The following UTRN variants were observed in gnomAD, a reference collection of about 807,000 sequenced individuals.
UTRN encodes the protein utrophin, also known as dystrophin-related protein 1.
A neutral mutation model predicts 463.9 loss-of-function variants in UTRN; 283 were observed. That is an observed-to-expected ratio of 0.61 (90% CI 0.55 to 0.67). The LOEUF (loss-of-function observed/expected upper bound fraction) is 0.67, where lower values mean the gene tolerates loss of function less well. UTRN is among the 30% of genes least tolerant of loss of function. The pLI, the probability that UTRN is intolerant of heterozygous loss-of-function variation, is 0.00. For synonymous variants in UTRN, 1,442 were observed against 1,431.5 expected (o/e 1.01, Z -0.17); for missense variants, 3,922 against 4,084.3 (o/e 0.96, Z 1.08).
intron 51 of UTRN, among the ~76,000 whole-genome samples, chr6:144,577,696 A>G (rs1483591285): frequency 2.0e-5 from 3 of 152,220 alleles, no homozygotes; most frequent in Non-Finnish European, 4.4e-5. Context: ...GTTTATAACT[A>G]AGAATATTAG....
At chr6:144,777,027 A>G (rs1775383439) in intron 60 of UTRN, among the ~76,000 whole-genome samples, 1 of 152,054 alleles carries the variant, frequency 6.6e-6, no homozygotes, top group Non-Finnish European at 1.5e-5. Flanking sequence ...GTCAATGGTA[A>G]TTTTTAATAT....
At chr6:144,802,842 C>G (rs577922506) in intron 64 of UTRN, among the ~76,000 whole-genome samples, 194 bp from the exon 65 acceptor site, 1 of 152,184 alleles carries the variant, frequency 6.6e-6, no homozygotes, top group African/African-American at 2.4e-5. Flanking sequence ...CGTATTCAAA[C>G]ATTAAAAGAA....
At chr6:144,693,249 A>G (rs535757801) in intron 52 of UTRN, among the ~76,000 whole-genome samples, 3 of 152,230 alleles carry the variant, frequency 2.0e-5, no homozygotes, top group East Asian at 3.9e-4. Flanking sequence ...CCATTGGTCT[A>G]TGTGTCTATT....
chr6:144,301,983 C>T (rs922195168), intron 2 of UTRN, among the ~76,000 whole-genome samples: 2 of 152,088 alleles, frequency 1.3e-5, no homozygotes, highest in Non-Finnish European at 2.9e-5. Context: ...CTTGATTGTT[C>T]TCCTTCTCCC....
intron 2 of UTRN, among the ~76,000 whole-genome samples, chr6:144,302,284 G>A (rs1474194778): frequency 6.6e-6 from 1 of 152,164 alleles, no homozygotes; most frequent in African/African-American, 2.4e-5. Context: ...GCTAAGGTGG[G>A]TGGATCATCT....
chr6:144,633,270 C>G (rs1053453836), intron 51 of UTRN, among the ~76,000 whole-genome samples: 2 of 146,116 alleles, frequency 1.4e-5, no homozygotes, highest in African/African-American at 5.1e-5. Flanking sequence ...TGCTCTGTCA[C>G]CCAGGCTGAA....
chr6:144,386,005 G>A (rs578060446), intron 2 of UTRN, among the ~76,000 whole-genome samples: 1 of 152,180 alleles, frequency 6.6e-6, no homozygotes. Flanking sequence ...CACTGTCCCC[G>A]GCCCAGAACC....
chr6:144,742,767 G>A (rs1056662938), intron 54 of UTRN, among the ~76,000 whole-genome samples: 2 of 152,148 alleles, frequency 1.3e-5, no homozygotes, highest in Non-Finnish European at 2.9e-5. Context: ...GTTAGTATTG[G>A]AACTGGCATG....
chr6:144,719,412 C>G (rs1786854700), intron 53 of UTRN, among the ~76,000 whole-genome samples: 2 of 152,056 alleles, frequency 1.3e-5, no homozygotes, highest in African/African-American at 4.8e-5. Context: ...CCCATCTCTA[C>G]TAAAAATATA....
Position 144,445,351 on chromosome 6 carries a change from C to CAAAA in UTRN, c.1614+984_1614+987dup, listed in dbSNP as rs11419379. Among the ~76,000 whole-genome samples the CAAAA allele has an allele frequency of 1.1e-3, 122 of 106,466 alleles. 1 individual carries two copies. Among genetic ancestry groups the CAAAA allele is most frequent in the African/African-American group, 2.8e-3 (76 of 26,780 alleles). 69.8% of individuals were successfully genotyped at this position (106,466 alleles called of 152,430 possible). A position where few individuals can be genotyped will look rare whatever the true frequency, so the allele number is the denominator to read the frequency against. On this transcript the variant is annotated intron_variant, in intron 14 of 74. Coordinates refer to ENST00000367545, the MANE Select transcript of UTRN (RefSeq NM_007124.3). ...GGGAGACAAGAGCGAGACTCCCTCT[C>CAAAA]AAAAAAAAAAAAAAAAAAGCAAATA...
At chr6:144,324,596 C>T (rs1002971034) in intron 2 of UTRN, among the ~76,000 whole-genome samples, 5 of 152,188 alleles carry the variant, frequency 3.3e-5, no homozygotes, top group Non-Finnish European at 7.3e-5. Flanking sequence ...TTGCACACTG[C>T]TCCATGTGAA....
At chr6:144,694,988 G>A (rs1188079740) in intron 52 of UTRN, among the ~76,000 whole-genome samples, 1 of 121,288 alleles carries the variant, frequency 8.2e-6, no homozygotes, top group Admixed American at 8.6e-5. Flanking sequence ...TTTTTTTTTT[G>A]AGAGTGAGGC....
intron 54 of UTRN, among the ~76,000 whole-genome samples, chr6:144,746,103 C>T (rs901619538): frequency 6.6e-6 from 1 of 151,764 alleles, no homozygotes; most frequent in Admixed American, 6.6e-5. Context: ...CGGGGTCAAG[C>T]GATTCTTCTG....
chr6:144,671,353 C>CAAA (rs1781005506), intron 51 of UTRN, among the ~76,000 whole-genome samples: 1 of 151,812 alleles, frequency 6.6e-6, no homozygotes, highest in Non-Finnish European at 1.5e-5. Flanking sequence ...GGATCTTTTA[C>CAAA]CTCCTTGGTT....
chr6:144,424,575 A>C (rs557084531), intron 6 of UTRN, among the ~76,000 whole-genome samples: 8 of 152,192 alleles, frequency 5.3e-5, no homozygotes, highest in Non-Finnish European at 1.0e-4. Flanking sequence ...AATTCAACTC[A>C]TAACAATTTT....
At chr6:144,840,974 A>C (rs975121861) in intron 73 of UTRN, 142 bp downstream of exon 73, 2 of 883,498 alleles carry the variant, frequency 2.3e-6, no homozygotes, top group African/African-American at 3.4e-5. Context: ...AATAAGGCAA[A>C]CATTATATAA....
intron 54 of UTRN, 99 bp downstream of exon 54, chr6:144,730,585 A>G: frequency 7.7e-7 from 1 of 1,295,560 alleles, no homozygotes; most frequent in Admixed American, 3.4e-5. Context: ...TTAGGATCTA[A>G]TATTTAAATC....
chr6:144,675,595 G>A (rs1013155164), intron 51 of UTRN, among the ~76,000 whole-genome samples: 15 of 152,172 alleles, frequency 9.9e-5, no homozygotes, highest in African/African-American at 3.6e-4. Flanking sequence ...CTCTAGCCAG[G>A]AGGTGGTGCT....
At chr6:144,817,308 A>G (rs1315804189) in intron 65 of UTRN, among the ~76,000 whole-genome samples, 2 of 152,236 alleles carry the variant, frequency 1.3e-5, no homozygotes, top group African/African-American at 2.4e-5. Flanking sequence ...TCTTACAGAA[A>G]TAAACAGAAA....
Sources: gnomAD v4.1 joint callset for allele counts (sites outside exome capture counted in the v4.1 genomes callset) on GRCh38, gnomAD v4.1.1 for gene constraint, MANE v1.5 for transcripts, NCBI Gene and HGNC (gene_info 2026-07-23, HGNC 2026-07-21) for gene names.